Variants in CEP85L observed in about 807,000 individuals in gnomAD.
CEP85L encodes the protein centrosomal protein 85L.
CEP85L carries 60 observed loss-of-function variants against 100.3 expected under a neutral mutation model. The observed-to-expected ratio is 0.60, with a 90% CI of 0.49 to 0.74. The LOEUF (loss-of-function observed/expected upper bound fraction) is 0.74. Ranked by LOEUF, CEP85L falls within the 30% of genes least tolerant of loss-of-function variation. CEP85L has a pLI of 0.00. For missense variants in CEP85L, 973 were observed against 936.2 expected (o/e 1.04, Z -0.51); for synonymous variants, 319 against 322.7 (o/e 0.99, Z 0.12).
At chr6:118,619,812 G>A (rs1024041497) in intron 2 of CEP85L, among the ~76,000 whole-genome samples, 7 of 152,188 alleles carry the variant, frequency 4.6e-5, no homozygotes, top group Non-Finnish European at 1.0e-4. Context: ...TCCTTGATCA[G>A]ACCTTAAGTC....
intron 1 of CEP85L, among the ~76,000 whole-genome samples, chr6:118,668,979 T>C (rs891592764): frequency 6.6e-6 from 1 of 152,336 alleles, no homozygotes; most frequent in East Asian, 1.9e-4. Context: ...GAGAGCTGAT[T>C]TGCAGAAGTA....
chr6:118,481,844 T>C lies in CEP85L; in HGVS notation c.1680A>G (p.Gln560=), dbSNP rs548222922. Residue 560 remains glutamine, a synonymous_variant, in exon 8 of 13, where the codon CAA becomes CAG. Transcript: ENST00000368491. ...GGCATATTAACTGTGTCTCTTTATC[T>C]TGACACTGCTTTTTGATCTCTTCAA... ...KKLEEIKKQC[Q]DKETQLICQK... 6.9e-6 allele frequency: 11 copies of C among 1,597,566 alleles called. No individual in the cohort carries two copies. The South Asian group carries it at 1.1e-4, about 16-fold the overall frequency.
chr6:118,465,162 T>C lies in CEP85L; in HGVS notation c.*243A>G, dbSNP rs955814346. On this transcript the variant is annotated 3_prime_UTR_variant, in exon 13 of 13. Coordinates refer to ENST00000368491, the MANE Select transcript of CEP85L (RefSeq NM_001042475.3). ...TCCTACAATCAGTAGTTTGAGAATA[T>C]AGACATTTTTTTCCTTGTAGATTTT... 58 of 432,606 alleles carry C rather than the reference T, an allele frequency of 1.3e-4. No individual in the cohort carries two copies. The South Asian group carries it at 1.4e-3, about 11-fold the overall frequency. The allele number at this position is 432,606 out of a possible 1,614,324, so 26.8% of individuals were successfully genotyped here.
chr6:118,606,643 C>A (rs1027701075), intron 2 of CEP85L, among the ~76,000 whole-genome samples: 5 of 152,222 alleles, frequency 3.3e-5, no homozygotes, highest in African/African-American at 1.2e-4. Context: ...GGACGTAAAA[C>A]AAGGTGGAGA....
chr6:118,685,702 G>C (rs999370705), intron 1 of CEP85L, among the ~76,000 whole-genome samples: 1 of 151,980 alleles, frequency 6.6e-6, no homozygotes, highest in Non-Finnish European at 1.5e-5. Flanking sequence ...CCCCAATCCT[G>C]TTCTCCCATC....
At chr6:118,524,260 C>T (rs751505835) in intron 3 of CEP85L, among the ~76,000 whole-genome samples, 2 of 152,120 alleles carry the variant, frequency 1.3e-5, no homozygotes, top group South Asian at 2.1e-4. Flanking sequence ...CTGGCTAATA[C>T]GGTGAAACCC....
At position 118,537,517 on chromosome 6, in the gene CEP85L, T is replaced by C. The variant is rs968994580; in HGVS notation, c.1021-13597A>G. The C allele has an allele frequency of 9.1e-6, 9 of 985,054 alleles. No homozygotes were observed. The African/African-American group carries it at 1.4e-4, about 15-fold the overall frequency. The allele number at this position is 985,054 out of a possible 1,614,324, so 61.0% of individuals were successfully genotyped here. A position where few individuals can be genotyped will look rare whatever the true frequency, so the allele number is the denominator to read the frequency against. Reference sequence around the variant, plus strand: ...GATTTATAGACCCAGAAAATATACATAGGTACCTCTTCTTGGAAATGGCAG... The same window carrying C: ...GATTTATAGACCCAGAAAATATACACAGGTACCTCTTCTTGGAAATGGCAG... On this transcript the variant is annotated intron_variant, in intron 3 of 12. Coordinates refer to ENST00000368491, the MANE Select transcript of CEP85L (RefSeq NM_001042475.3).
intron 2 of CEP85L, among the ~76,000 whole-genome samples, chr6:118,573,644 A>C (rs1264252431): frequency 6.6e-6 from 1 of 152,210 alleles, no homozygotes; most frequent in Non-Finnish European, 1.5e-5. Flanking sequence ...TATAGTCCTC[A>C]TATTTACCAG....
intron 2 of CEP85L, among the ~76,000 whole-genome samples, chr6:118,598,532 G>T (rs1781568892): frequency 6.6e-6 from 1 of 152,108 alleles, no homozygotes; most frequent in Non-Finnish European, 1.5e-5. Context: ...AAGACAGAAA[G>T]CTCAGGGAAG....
At chr6:118,587,009 T>C (rs1200666097) in intron 2 of CEP85L, among the ~76,000 whole-genome samples, 1 of 152,234 alleles carries the variant, frequency 6.6e-6, no homozygotes, top group Non-Finnish European at 1.5e-5. Flanking sequence ...CTAAATCTGT[T>C]AGAACTCTTT....
chr6:118,589,577 G>A (rs897258069), intron 2 of CEP85L: 5 of 259,162 alleles, frequency 1.9e-5, no homozygotes, highest in Non-Finnish European at 4.1e-5. Flanking sequence ...CACGGACTGC[G>A]AGAGAGAAAG....
intron 5 of CEP85L, among the ~76,000 whole-genome samples, chr6:118,494,348 T>A (rs1290543784): frequency 6.6e-6 from 1 of 152,110 alleles, no homozygotes; most frequent in Non-Finnish European, 1.5e-5. Flanking sequence ...AAGGAACCAT[T>A]TAAAATATGC....
At chr6:118,660,995 C>G (rs1237850927) in intron 1 of CEP85L, among the ~76,000 whole-genome samples, 1 of 152,004 alleles carries the variant, frequency 6.6e-6, no homozygotes, top group Non-Finnish European at 1.5e-5. Context: ...AGGCAATTCT[C>G]CTGCCTCAGC....
At chr6:118,530,505 G>A (rs1777231140) in intron 3 of CEP85L, among the ~76,000 whole-genome samples, 1 of 151,860 alleles carries the variant, frequency 6.6e-6, no homozygotes. Context: ...ACATATTACT[G>A]GAAGTCCTAG....
chr6:118,705,956 G>A (rs987192497), intron 1 of CEP85L, among the ~76,000 whole-genome samples: 2 of 152,156 alleles, frequency 1.3e-5, no homozygotes, highest in Non-Finnish European at 2.9e-5. Context: ...TTCCTGCTAA[G>A]CCCGCCCCCA....
intron 2 of CEP85L, among the ~76,000 whole-genome samples, chr6:118,613,859 T>G (rs1772831900): frequency 6.8e-6 from 1 of 147,116 alleles, no homozygotes; most frequent in African/African-American, 2.5e-5. Context: ...TTCCAAAAAA[T>G]AAGAGAGAAC....
Position 118,462,962 on chromosome 6 carries a change from G to T in CEP85L, c.*2443C>A, listed in dbSNP as rs1248445514. On this transcript the variant is annotated 3_prime_UTR_variant, in exon 13 of 13. Coordinates refer to ENST00000368491, the MANE Select transcript of CEP85L (RefSeq NM_001042475.3). The stretch of plus-strand genomic sequence containing the variant: ...CTTTACAAACTCCAGATTTTAAGAG[G>T]ATCAATCTATAATTCAGCTAACTAC... 3 of 151,812 alleles carry T rather than the reference G, an allele frequency of 2.0e-5. No homozygotes were observed. In the East Asian group the frequency reaches 5.8e-4, roughly 29 times the overall value. 9.4% of individuals were successfully genotyped at this position (151,812 alleles called of 1,614,324 possible).
chr6:118,661,087 G>C (rs963001689), intron 1 of CEP85L, among the ~76,000 whole-genome samples: 1 of 151,936 alleles, frequency 6.6e-6, no homozygotes, highest in Non-Finnish European at 1.5e-5. Context: ...GGGTTTCACT[G>C]TGTTGGCCAG....
chr6:118,615,164 T>C (rs994736305), intron 2 of CEP85L, among the ~76,000 whole-genome samples: 1 of 152,180 alleles, frequency 6.6e-6, no homozygotes, highest in African/African-American at 2.4e-5. Flanking sequence ...AAAGATGTTA[T>C]TTCTCCCCAA....
Sources: allele counts gnomAD v4.1 joint callset (sites outside exome capture counted in the v4.1 genomes callset), GRCh38; gene constraint gnomAD v4.1.1; transcripts MANE v1.5; gene names NCBI Gene and HGNC (gene_info 2026-07-23, HGNC 2026-07-21).